The following KDM5A variants were observed in gnomAD, a reference collection of about 807,000 sequenced individuals.
KDM5A encodes the protein lysine demethylase 5A.
KDM5A carries 42 observed loss-of-function variants against 193.5 expected under a neutral mutation model. That is an observed-to-expected ratio of 0.22 (90% CI 0.17 to 0.28). KDM5A has a LOEUF of 0.28. KDM5A is among the 10% of genes least tolerant of loss of function. The pLI is 1.00. For synonymous variants in KDM5A, 796 were observed against 718.1 expected, an observed-to-expected ratio of 1.11 and a Z score of -1.73; for missense variants, 1,692 against 2,055.1, an observed-to-expected ratio of 0.82 and a Z score of 3.42.
chr12:351,802 C>G (rs1029501395), intron 9 of KDM5A, among the ~76,000 whole-genome samples: 5 of 151,890 alleles, frequency 3.3e-5, no homozygotes, highest in African/African-American at 1.2e-4. Context: ...AATCCCGTCT[C>G]TATTAAAAAT....
Position 297,183 on chromosome 12 carries a change from C to T in KDM5A, c.4092G>A (p.Lys1364=), listed in dbSNP as rs1249162625. 5.0e-6 allele frequency: 8 copies of T among 1,613,902 alleles called. No homozygotes were observed. The highest frequency in any genetic ancestry group is 2.2e-5 in the South Asian group (2 of 91,082). ...GATTGGGTTCAAGACTACTAGAGGA[C>T]TTCACACTGGCTGTGTCCTGAAGAA... The part of the protein sequence containing the change: ...GYDMKDTASV[K]SSSSLEPNLF... Residue 1364 remains lysine, a synonymous_variant, in exon 25 of 28, where the codon AAG becomes AAA. Coordinates refer to ENST00000399788, the MANE Select transcript of KDM5A (RefSeq NM_001042603.3).
At position 389,284 on chromosome 12, in the gene KDM5A, T is replaced by A; in HGVS notation, c.-193A>T. 1.4e-6 allele frequency: 1 copy of A among 715,286 alleles called. No homozygotes were observed. The highest frequency in any genetic ancestry group is 2.5e-6 in the Non-Finnish European group (1 of 397,590). The allele number at this position is 715,286 out of a possible 1,614,324, so 44.3% of individuals were successfully genotyped here. A position where few individuals can be genotyped will look rare whatever the true frequency, so the allele number is the denominator to read the frequency against. ...ATTGTTTCTTGCAAGGCTTTTCCAC[T>A]GAGGTTCAGGACTTTTCCGGAAGTT... On this transcript the variant is annotated 5_prime_UTR_variant, in exon 1 of 28. Coordinates refer to ENST00000399788, the MANE Select transcript of KDM5A (RefSeq NM_001042603.3).
At chr12:356,677 C>G in intron 5 of KDM5A, 140 bp from the exon 6 acceptor site, 1 of 664,098 alleles carries the variant, frequency 1.5e-6, no homozygotes, top group South Asian at 1.7e-5. Context: ...CACTCACTGC[C>G]TCATTACCAC....
In KDM5A at chr12:282,559, A is replaced by G. The variant is rs1477882865; in HGVS notation, c.*2897T>C. On this transcript the variant is annotated 3_prime_UTR_variant, in exon 28 of 28. Transcript: ENST00000399788. Reference sequence around the variant, plus strand: ...TGTCTTCTCCCCCAGCTAGAAAGCTAACTACTGGTGCTGTATTTGTACTTT... The same window carrying G: ...TGTCTTCTCCCCCAGCTAGAAAGCTGACTACTGGTGCTGTATTTGTACTTT... The G allele has an allele frequency of 4.3e-6, 1 of 233,050 alleles. No individual in the cohort carries two copies. Among genetic ancestry groups the G allele is most frequent in the Non-Finnish European group, 8.5e-6 (1 of 117,996 alleles). 14.4% of individuals were successfully genotyped at this position (233,050 alleles called of 1,614,324 possible). A position where few individuals can be genotyped will look rare whatever the true frequency, so the allele number is the denominator to read the frequency against.
At chr12:363,498 T>C (rs1021840563) in intron 4 of KDM5A, among the ~76,000 whole-genome samples, 10 of 152,078 alleles carry the variant, frequency 6.6e-5, no homozygotes, top group Non-Finnish European at 1.5e-4. Context: ...ACAATGGTGG[T>C]GAGCTAAATC....
At chr12:374,670 G>C (rs188378679) in intron 3 of KDM5A, among the ~76,000 whole-genome samples, 1 of 152,174 alleles carries the variant, frequency 6.6e-6, no homozygotes, top group Non-Finnish European at 1.5e-5. Flanking sequence ...TCCTGGCATC[G>C]ATGGTCTTTA....
chr12:289,903 C>CTTTTTTTTTTTTTTTTTTT (rs1943269398), intron 27 of KDM5A, among the ~76,000 whole-genome samples: 1 of 106,736 alleles, frequency 9.4e-6, no homozygotes, highest in African/African-American at 4.0e-5. Flanking sequence ...TTTTTTCTTT[C>CTTTTTTTTTTTTTTTTTTT]TTTCTTTTTT....
intron 10 of KDM5A, among the ~76,000 whole-genome samples, chr12:342,967 C>T (rs1165165772): frequency 3.9e-5 from 6 of 152,118 alleles, no homozygotes; most frequent in Non-Finnish European, 7.4e-5. Context: ...TGAAGCAGGG[C>T]GTGCATCACC....
At chr12:367,415 G>C (rs949509843) in intron 3 of KDM5A, among the ~76,000 whole-genome samples, 7 of 152,014 alleles carry the variant, frequency 4.6e-5, no homozygotes, top group Non-Finnish European at 8.8e-5. Context: ...TAGCTGGGCA[G>C]GTTGGGCAGG....
chr12:345,553 A>G (rs1216788848), intron 10 of KDM5A, among the ~76,000 whole-genome samples: 2 of 152,240 alleles, frequency 1.3e-5, no homozygotes, highest in African/African-American at 4.8e-5. Context: ...AACAGAAATC[A>G]TAACAAACTG....
At chr12:377,604 T>C (rs1424661642) in intron 3 of KDM5A, among the ~76,000 whole-genome samples, 1 of 152,234 alleles carries the variant, frequency 6.6e-6, no homozygotes, top group East Asian at 1.9e-4. Context: ...TCTAGACTTT[T>C]AAACCCTACC....
At chr12:381,343 C>A (rs1258687115) in intron 3 of KDM5A, among the ~76,000 whole-genome samples, 3 of 152,040 alleles carry the variant, frequency 2.0e-5, no homozygotes, top group Admixed American at 1.3e-4. Context: ...AACTCCTGAC[C>A]TCAGGTGATC....
chr12:313,151 C>A lies in KDM5A; in HGVS notation c.2941G>T (p.Ala981Ser), dbSNP rs763626820. ...VASLESIVNE[A>S]KNIPAFLPNV... ...GGTAGAAAGGCTGGAATGTTCTTGG[C>A]TTCATTCACAATGCTTTCTAAACTT... Residue 981 changes from alanine (A) to serine (S), a missense_variant, in exon 20 of 28, where the codon GCC becomes TCC. Physicochemically the swap from Ala to Ser is moderately conservative, Grantham distance 99. Around this residue, in one of 11 missense-constraint regions of KDM5A, gnomAD observed 965 missense variants for 1,061.0 expected, o/e 0.91. Transcript: ENST00000399788. 1 of 1,614,090 alleles carries A rather than the reference C, an allele frequency of 6.2e-7. No homozygotes were observed. The highest frequency in any genetic ancestry group is 1.7e-4 in the Middle Eastern group (1 of 6,060).
intron 13 of KDM5A, among the ~76,000 whole-genome samples, chr12:330,054 A>AGTGTGTGTGTGTGTGTGT (rs148451707): frequency 5.3e-4 from 76 of 142,340 alleles, no homozygotes; most frequent in Admixed American, 4.5e-3. Flanking sequence ...CAAAGGAAAA[A>AGTGTGTGTGTGTGTGTGT]GTGTGTGTGT....
intron 10 of KDM5A, among the ~76,000 whole-genome samples, chr12:342,952 C>T (rs1005472624): frequency 2.6e-5 from 4 of 152,040 alleles, no homozygotes; most frequent in Non-Finnish European, 4.4e-5. Flanking sequence ...CCACAGAGGG[C>T]TAGCTGAAGC....
chr12:355,835 G>C (rs534997068), intron 6 of KDM5A, among the ~76,000 whole-genome samples: 2 of 152,192 alleles, frequency 1.3e-5, no homozygotes, highest in East Asian at 3.9e-4. Flanking sequence ...TTCTCATATA[G>C]TCAAAACATA....
intron 3 of KDM5A, 104 bp downstream of exon 3, chr12:383,927 G>A: frequency 7.9e-7 from 1 of 1,270,502 alleles, no homozygotes; most frequent in Non-Finnish European, 1.1e-6. Context: ...GCATTTCATT[G>A]TCAAACAAAT....
At chr12:378,145 A>G (rs1391021029) in intron 3 of KDM5A, among the ~76,000 whole-genome samples, 9 of 152,208 alleles carry the variant, frequency 5.9e-5, no homozygotes, top group Admixed American at 5.9e-4. Flanking sequence ...AGAAACAGCA[A>G]TATGAGCATA....
At chr12:375,980 G>T (rs1422037350) in intron 3 of KDM5A, among the ~76,000 whole-genome samples, 1 of 152,248 alleles carries the variant, frequency 6.6e-6, no homozygotes, top group Non-Finnish European at 1.5e-5. Flanking sequence ...TGGGTGTCAA[G>T]GCTGCCCCTA....
Sources: allele counts gnomAD v4.1 joint callset (sites outside exome capture counted in the v4.1 genomes callset), GRCh38; gene constraint gnomAD v4.1.1; regional missense constraint gnomAD v4.1.1; transcripts MANE v1.5; gene names NCBI Gene and HGNC (gene_info 2026-07-23, HGNC 2026-07-21).